MAPKAPK5: variants seen among roughly 807,000 people sequenced by gnomAD.
The protein encoded by MAPKAPK5 is MAP kinase-activated protein kinase 5.
A neutral mutation model predicts 65.1 loss-of-function variants in MAPKAPK5; 30 were observed. The ratio of observed to expected loss-of-function variants is 0.46; its 90% CI spans 0.34 to 0.63. The LOEUF is 0.63. Ranked by LOEUF, MAPKAPK5 falls within the 20% of genes least tolerant of loss-of-function variation. MAPKAPK5 has a pLI of 0.01. For missense variants in MAPKAPK5, 433 were observed against 581.4 expected (o/e 0.74, Z 2.63); for synonymous variants, 179 against 204.6 (o/e 0.87, Z 1.07).
chr12:111,850,958 G>A (rs2069062449), intron 1 of MAPKAPK5, among the ~76,000 whole-genome samples: 1 of 151,152 alleles, frequency 6.6e-6, no homozygotes, highest in African/African-American at 2.4e-5. Flanking sequence ...GAGTGCAGTG[G>A]CACGATCGCG....
At position 111,848,971 on chromosome 12, in the gene MAPKAPK5, A is replaced by C. The variant is rs2068986346; in HGVS notation, c.36+6202A>C. 2.0e-5 allele frequency among the ~76,000 whole-genome samples: 3 copies of C among 151,912 alleles called. No homozygotes were observed. In the South Asian group the frequency reaches 6.3e-4, roughly 32 times the overall value. ...TAGAGATGAGGTCTTCACCATGTTGACCAGGTGGTCTCGTACTTCTGACCT... is the reference window on the plus strand; with the variant it reads ...TAGAGATGAGGTCTTCACCATGTTGCCCAGGTGGTCTCGTACTTCTGACCT... On this transcript the variant is annotated intron_variant, in intron 1 of 13. Coordinates refer to ENST00000550735, the MANE Select transcript of MAPKAPK5 (RefSeq NM_003668.4).
rs544801543 is a variant in MAPKAPK5, at chr12:111,892,499, C to T, written c.1322-468C>T. On this transcript the variant is annotated intron_variant, in intron 13 of 13. Coordinates refer to ENST00000550735, the MANE Select transcript of MAPKAPK5 (RefSeq NM_003668.4). ...CCTGGTTAGTTTGTAGGTGGTATTG[C>T]AATGTGGTTTTAGTTTGCATTACCC... Among the ~76,000 whole-genome samples, 4 of 152,220 alleles carry T rather than the reference C, an allele frequency of 2.6e-5. No individual in the cohort carries two copies. The East Asian group carries it at 7.7e-4, about 29-fold the overall frequency.
At chr12:111,861,125 C>T (rs1407515915) in intron 1 of MAPKAPK5, among the ~76,000 whole-genome samples, 2 of 151,340 alleles carry the variant, frequency 1.3e-5, no homozygotes, top group Admixed American at 1.3e-4. Context: ...CCACTGCACA[C>T]CAGCCTGGGC....
intron 3 of MAPKAPK5, 46 bp from the exon 4 acceptor site, chr12:111,867,526 G>T (rs747538488): frequency 1.4e-6 from 2 of 1,415,272 alleles, no homozygotes; most frequent in East Asian, 4.6e-5. Context: ...GAGAGAAAAT[G>T]TTGGTATCCC....
chr12:111,867,284 T>C (rs939237013), intron 3 of MAPKAPK5, among the ~76,000 whole-genome samples: 4 of 152,208 alleles, frequency 2.6e-5, no homozygotes, highest in Non-Finnish European at 5.9e-5. Flanking sequence ...ACATGTGCAA[T>C]GAAGGACTTC....
At position 111,842,717 on chromosome 12, in the gene MAPKAPK5, TG is replaced by T. The variant is rs1404439281; in HGVS notation, c.-12del. On this transcript the variant is annotated 5_prime_UTR_variant, in exon 1 of 14. Transcript: ENST00000550735. ...GAGCAGCCTCCGCCTCTCCCGGCTGTGGGGGCCCCACTGAGTATGTCGGAGG... is the reference window on the plus strand; with the variant it reads ...GAGCAGCCTCCGCCTCTCCCGGCTGTGGGGCCCCACTGAGTATGTCGGAGG... The T allele has an allele frequency of 3.6e-6, 5 of 1,374,886 alleles. No homozygotes were observed. Among genetic ancestry groups the T allele is most frequent in the South Asian group, 4.2e-5 (2 of 47,192 alleles). The allele number at this position is 1,374,886 out of a possible 1,614,324, so 85.2% of individuals were successfully genotyped here.
rs761925507 is a variant in MAPKAPK5, at chr12:111,893,049, C to T, written c.1404C>T (p.His468=). ...TGATAGAAGAGCAAACCACGTCCCA[C>T]GAATCCCAATAATGACAGCTTCAGA... ...KQVIEEQTTS[H]ESQ is the part of the protein sequence containing the mutation. Residue 468 remains histidine (H), a synonymous_variant, in exon 14 of 14, where the codon CAC becomes CAT. Transcript: ENST00000550735. 9.5e-6 allele frequency: 15 copies of T among 1,573,406 alleles called. No individual in the cohort carries two copies. The highest frequency in any genetic ancestry group is 7.3e-5 in the Admixed American group (4 of 54,462).
intron 13 of MAPKAPK5, 88 bp from the exon 14 acceptor site, chr12:111,892,879 G>A: frequency 2.3e-6 from 2 of 882,708 alleles, no homozygotes; most frequent in East Asian, 2.8e-5. Context: ...ATTTGATACT[G>A]GTAAGGTGGA....
In MAPKAPK5 at chr12:111,899,096, G is replaced by A. The variant is rs1419787323; in HGVS notation, c.*6035G>A. 2.0e-5 allele frequency: 3 copies of A among 152,310 alleles called. No homozygotes were observed. Among genetic ancestry groups the A allele is most frequent in the Non-Finnish European group, 4.4e-5 (3 of 68,104 alleles). 9.4% of individuals were successfully genotyped at this position (152,310 alleles called of 1,614,324 possible). On this transcript the variant is annotated 3_prime_UTR_variant, in exon 14 of 14. Transcript: ENST00000550735. The stretch of plus-strand genomic sequence containing the variant: ...GAAGGCCAGGAGAGAAGCAGGAAGA[G>A]AAACACGGCTTGAAGTTCTGTAAGA...
At chr12:111,865,354 AT>A (rs2069564376) in intron 2 of MAPKAPK5, 31 bp downstream of exon 2, 1 of 1,491,598 alleles carries the variant, frequency 6.7e-7, no homozygotes, top group African/African-American at 1.4e-5. Context: ...ACTATGGCAA[AT>A]TGTTGGCATG....
chr12:111,875,581 C>T (rs2069936523), intron 7 of MAPKAPK5, among the ~76,000 whole-genome samples: 1 of 151,908 alleles, frequency 6.6e-6, no homozygotes, highest in African/African-American at 2.4e-5. Context: ...CGAGAGGTAT[C>T]TGTTTCTCTG....
At chr12:111,880,562 T>G in intron 8 of MAPKAPK5, 35 bp downstream of exon 8, 1 of 1,584,878 alleles carries the variant, frequency 6.3e-7, no homozygotes, top group Non-Finnish European at 8.7e-7. Context: ...ATTTGACAGA[T>G]GCAGCCCCTC....
chr12:111,866,306 C>A, intron 3 of MAPKAPK5, 75 bp downstream of exon 3: 2 of 1,338,802 alleles, frequency 1.5e-6, no homozygotes, highest in Non-Finnish European at 1.0e-6. Flanking sequence ...AAGGCAGCTT[C>A]CTAGAGAGAA....
chr12:111,865,415 C>A, intron 2 of MAPKAPK5, 92 bp downstream of exon 2: 2 of 836,280 alleles, frequency 2.4e-6, no homozygotes, highest in Non-Finnish European at 3.9e-6. Flanking sequence ...TTAGACACAT[C>A]AGGTGTGCCA....
At position 111,878,009 on chromosome 12, in the gene MAPKAPK5, T is replaced by C. The variant is rs554067195; in HGVS notation, c.580-2438T>C. 2.6e-4 allele frequency among the ~76,000 whole-genome samples: 40 copies of C among 152,076 alleles called. No homozygotes were observed. In the South Asian group the frequency reaches 2.7e-3, roughly 10 times the overall value. On this transcript the variant is annotated intron_variant, in intron 7 of 13. Coordinates refer to ENST00000550735, the MANE Select transcript of MAPKAPK5 (RefSeq NM_003668.4). ...GTCCAGCTGACTCTGACTCTTTTTT[T>C]TTTTTTTTTTAAACTCTCCCAGGTT...
intron 1 of MAPKAPK5, among the ~76,000 whole-genome samples, chr12:111,852,292 C>T (rs762560941): frequency 1.3e-5 from 2 of 152,282 alleles, no homozygotes; most frequent in East Asian, 3.9e-4. Flanking sequence ...CCTTCCTTTC[C>T]ATGCCCTTCA....
Position 111,883,646 on chromosome 12 carries a change from C to T in MAPKAPK5, c.726C>T (p.Tyr242=), listed in dbSNP as rs1357453451. 6.2e-7 allele frequency: 1 copy of T among 1,613,978 alleles called. No individual in the cohort carries two copies. Among genetic ancestry groups the T allele is most frequent in the South Asian group, 1.1e-5 (1 of 91,082 alleles). ...YVMLCGYPPF[Y]SKHHSRTIPK... ...TGCTGTGCGGATACCCTCCTTTTTA[C>T]TCCAAACACCACAGCCGGACTATCC... Residue 242 remains tyrosine, a synonymous_variant, in exon 9 of 14, where the codon TAC becomes TAT. Coordinates refer to ENST00000550735, the MANE Select transcript of MAPKAPK5 (RefSeq NM_003668.4). This position sits in a 1 kb window ranked among gnomAD's most constrained non-coding sequence, Gnocchi z 4.8.
At chr12:111,857,155 T>C (rs1180115656) in intron 1 of MAPKAPK5, among the ~76,000 whole-genome samples, 1 of 152,198 alleles carries the variant, frequency 6.6e-6, no homozygotes, top group Admixed American at 6.5e-5. Flanking sequence ...TATGTATATT[T>C]ATGAAATTAA....
rs1566272793 is a variant in MAPKAPK5 at position 111,885,991 on chromosome 12, G to A, written c.924G>A (p.Glu308=). 6.2e-7 allele frequency: 1 copy of A among 1,613,962 alleles called. No homozygotes were observed. The highest frequency in any genetic ancestry group is 1.7e-5 in the Admixed American group (1 of 60,002). Residue 308 remains glutamate (E), a synonymous_variant, in exon 10 of 14, where the codon GAG becomes GAA. Transcript: ENST00000550735. ...VLDHPWLNST[E]ALDNVLPSAQ... Reference sequence around the variant, plus strand: ...ACCACCCCTGGCTCAATTCCACCGAGGCCCTGGATAATGTGCTGCCTTCTG... The same window carrying A: ...ACCACCCCTGGCTCAATTCCACCGAAGCCCTGGATAATGTGCTGCCTTCTG...
Sources: allele counts gnomAD v4.1 joint callset (sites outside exome capture counted in the v4.1 genomes callset), GRCh38; gene constraint gnomAD v4.1.1; non-coding constraint Gnocchi (gnomAD v3.1); transcripts MANE v1.5; gene names NCBI Gene and HGNC (gene_info 2026-07-23, HGNC 2026-07-21).